The following PMPCB variants were observed in gnomAD, a reference collection of about 807,000 sequenced individuals.
The protein encoded by PMPCB is mitochondrial-processing peptidase subunit beta.
Under a neutral mutation model 61.5 loss-of-function variants are expected in PMPCB, and 46 were observed. That is an observed-to-expected ratio of 0.75 (90% CI 0.59 to 0.96). The LOEUF (loss-of-function observed/expected upper bound fraction) is 0.96, where lower values mean the gene tolerates loss of function less well. Ranked by LOEUF, PMPCB falls within the 40% of genes least tolerant of loss-of-function variation. The pLI, the probability that PMPCB is intolerant of heterozygous loss-of-function variation, is 0.00. For synonymous variants in PMPCB, 191 were observed against 201.6 expected (o/e 0.95, Z 0.44); for missense variants, 590 against 602.4 (o/e 0.98, Z 0.22).
intron 12 of PMPCB, among the ~76,000 whole-genome samples, chr7:103,321,252 C>T (rs1226683052): frequency 2.6e-5 from 4 of 152,052 alleles, no homozygotes; most frequent in Non-Finnish European, 5.9e-5. Context: ...GCACAGGTGG[C>T]TCATGCCTGT....
At chr7:103,337,425 T>C in the PMPCB span, 1 of 224,322 alleles carries the variant, frequency 4.5e-6, no homozygotes, top group East Asian at 1.0e-4. Context: ...TAAGTGCAGC[T>C]GCTATACTTC....
At chr7:103,344,893 A>G in the PMPCB span, 1 of 579,704 alleles carries the variant, frequency 1.7e-6, no homozygotes, top group Non-Finnish European at 3.1e-6. Context: ...GTCGCACGAG[A>G]GAATGGTTCC....
In PMPCB at chr7:103,312,931, C is replaced by T. The variant is rs758075204; in HGVS notation, c.*660C>T. ...AATTTAAAATACAACAATCTATAAACGCTTAAGTCTGCAACCTTGTATCGT... is the reference window on the plus strand; with the variant it reads ...AATTTAAAATACAACAATCTATAAATGCTTAAGTCTGCAACCTTGTATCGT... On this transcript the variant is annotated 3_prime_UTR_variant, in exon 13 of 13. Transcript: ENST00000249269. The T allele has an allele frequency of 8.7e-6, 14 of 1,601,154 alleles. No homozygotes were observed. Among genetic ancestry groups the T allele is most frequent in the Admixed American group, 5.4e-5 (3 of 55,986 alleles).
At position 103,312,971 on chromosome 7, in the gene PMPCB, C is replaced by T; in HGVS notation, c.*700C>T. On this transcript the variant is annotated 3_prime_UTR_variant, in exon 13 of 13. Transcript: ENST00000249269. The stretch of plus-strand genomic sequence containing the variant: ...CCTTGTATCGTTTCATGCAGTCCTT[C>T]TTTGTCCTGCCAGGCACCGCTTCTG... The T allele has an allele frequency of 6.2e-7, 1 of 1,613,870 alleles. No homozygotes were observed. The highest frequency in any genetic ancestry group is 8.5e-7 in the Non-Finnish European group (1 of 1,179,894).
chr7:103,318,985 A>T (rs915833382), downstream of PMPCB, among the ~76,000 whole-genome samples: 1 of 152,066 alleles, frequency 6.6e-6, no homozygotes, highest in Non-Finnish European at 1.5e-5. Context: ...GCCAATGCGG[A>T]CGGATCACTT....
intron 6 of PMPCB, among the ~76,000 whole-genome samples, chr7:103,305,783 T>C (rs1817559656): frequency 6.6e-6 from 1 of 152,224 alleles, no homozygotes; most frequent in Non-Finnish European, 1.5e-5. Context: ...AAGTGCACTC[T>C]GAAATTCTCT....
At chr7:103,329,157 T>C in exon 13 of PMPCB, 1 of 343,830 alleles carries the variant, frequency 2.9e-6, no homozygotes, top group Non-Finnish European at 5.5e-6. Flanking sequence ...TGACTCTGTG[T>C]GTCACTTACA....
intron 12 of PMPCB, chr7:103,324,792 G>A: frequency 7.0e-6 from 2 of 284,182 alleles, no homozygotes; most frequent in South Asian, 1.5e-4. Context: ...GAGAAACAAC[G>A]GGACAGACTT....
downstream of PMPCB, chr7:103,317,447 T>C (rs945425669): frequency 6.4e-6 from 1 of 157,112 alleles, no homozygotes; most frequent in Non-Finnish European, 1.4e-5. Flanking sequence ...CCATTTACAT[T>C]GTTCCTTCTA....
At chr7:103,320,348 A>C (rs1818317321) in intron 12 of PMPCB, among the ~76,000 whole-genome samples, 1 of 151,760 alleles carries the variant, frequency 6.6e-6, no homozygotes, top group South Asian at 2.1e-4. Context: ...TCAGCCTCCC[A>C]AAGTGCTGGT....
downstream of PMPCB, chr7:103,317,130 C>T (rs7811224): frequency 0.018 from 16,401 of 919,788 alleles, 1,824 homozygotes; most frequent in African/African-American, 0.24. Context: ...ACTCTGACCC[C>T]ATACTCCTCT....
chr7:103,340,510 T>G, the PMPCB span, among the ~76,000 whole-genome samples: 1 of 152,234 alleles, frequency 6.6e-6, no homozygotes, highest in African/African-American at 2.4e-5. Context: ...ACTTAAGTGC[T>G]TTATAAGCAT....
the PMPCB span, chr7:103,341,880 A>G: frequency 6.2e-7 from 1 of 1,613,418 alleles, no homozygotes; most frequent in African/African-American, 1.3e-5. Context: ...AAAGAGGCAG[A>G]AGCATTTCTG....
the PMPCB span, among the ~76,000 whole-genome samples, chr7:103,345,621 A>G: frequency 6.7e-6 from 1 of 150,022 alleles, no homozygotes; most frequent in Non-Finnish European, 1.5e-5. Flanking sequence ...ATATATATAT[A>G]TGTATATTTT....
At chr7:103,345,905 A>C in the PMPCB span, among the ~76,000 whole-genome samples, 4 of 151,756 alleles carry the variant, frequency 2.6e-5, no homozygotes, top group Non-Finnish European at 4.4e-5. Flanking sequence ...AGATCACACC[A>C]TTGCGCTCCA....
chr7:103,318,962 A>G (rs959221081), downstream of PMPCB, among the ~76,000 whole-genome samples: 5 of 152,186 alleles, frequency 3.3e-5, no homozygotes, highest in African/African-American at 1.2e-4. Context: ...TCATGCCTAT[A>G]ATCCTTTGGG....
At chr7:103,324,673 C>G in intron 12 of PMPCB, 1 of 1,019,106 alleles carries the variant, frequency 9.8e-7, no homozygotes, top group South Asian at 2.3e-5. Context: ...CTCTGATTTC[C>G]CTTCCCTACA....
chr7:103,325,157 A>G (rs1818634165), intron 12 of PMPCB, among the ~76,000 whole-genome samples: 1 of 152,160 alleles, frequency 6.6e-6, no homozygotes, highest in African/African-American at 2.4e-5. Context: ...CTATAAAACA[A>G]ACGTGGCCAG....
At chr7:103,345,719 A>G in the PMPCB span, among the ~76,000 whole-genome samples, 568 of 151,294 alleles carry the variant, frequency 3.8e-3, 4 homozygotes, top group African/African-American at 0.014. Context: ...GTCTCCCAAA[A>G]CTCTGGGATT....
Sources: allele counts gnomAD v4.1 joint callset (sites outside exome capture counted in the v4.1 genomes callset), GRCh38; gene constraint gnomAD v4.1.1; transcripts MANE v1.5; gene names NCBI Gene and HGNC (gene_info 2026-07-23, HGNC 2026-07-21).